SPINK5: variants seen among roughly 807,000 people sequenced by gnomAD.
The protein encoded by SPINK5 is serine peptidase inhibitor Kazal type 5, also known as serine protease inhibitor Kazal-type 5.
SPINK5 carries 125 observed loss-of-function variants against 151.8 expected under a neutral mutation model. The observed-to-expected ratio is 0.82, with a 90% CI of 0.71 to 0.96. SPINK5 has a LOEUF of 0.96. SPINK5 is among the 40% of genes least tolerant of loss of function. The pLI, the probability that SPINK5 is intolerant of heterozygous loss-of-function variation, is 0.00. For missense variants in SPINK5, 1,194 were observed against 1,291.9 expected, an observed-to-expected ratio of 0.92 and a Z score of 1.16; for synonymous variants, 374 against 395.3, an observed-to-expected ratio of 0.95 and a Z score of 0.64.
chr5:148,081,674 A>G (rs1373693732), intron 4 of SPINK5, among the ~76,000 whole-genome samples: 1 of 151,694 alleles, frequency 6.6e-6, no homozygotes, highest in Non-Finnish European at 1.5e-5. Context: ...AAAATATTTT[A>G]AGACCAGATT....
chr5:148,123,215 G>A (rs955038839), intron 26 of SPINK5, among the ~76,000 whole-genome samples: 1 of 151,382 alleles, frequency 6.6e-6, no homozygotes, highest in Non-Finnish European at 1.5e-5. Context: ...AGCCAGGCAT[G>A]GTGGCACATG....
At chr5:148,068,578 A>AAAAGAAAG (rs1554101970) in intron 2 of SPINK5, among the ~76,000 whole-genome samples, 3,542 of 74,000 alleles carry the variant, frequency 0.048, 143 homozygotes, top group South Asian at 0.085. Flanking sequence ...AAAAAAAAAA[A>AAAAGAAAG]AAAGAAAGAA....
rs1752708600 is a variant in SPINK5, at chr5:148,070,451, G to C, written c.209+1G>C. 3 of 1,612,086 alleles carry C rather than the reference G, an allele frequency of 1.9e-6. No homozygotes were observed. The Admixed American group carries it at 5.0e-5, about 27-fold the overall frequency. On this transcript the variant is annotated splice_donor_variant, in intron 3 of 32. Coordinates refer to ENST00000256084, the MANE Select transcript of SPINK5 (RefSeq NM_006846.4). LOFTEE classifies it high-confidence loss of function. Reference sequence around the variant, plus strand: ...AATGTGCCACGTGCAAAATGATACTGTGAGTAAAGGTTTCTTTCTTTCTTT... The same window carrying C: ...AATGTGCCACGTGCAAAATGATACTCTGAGTAAAGGTTTCTTTCTTTCTTT...
chr5:148,126,970 T>G lies in SPINK5; in HGVS notation c.2868-13T>G. ...GTTTCTTATTTTAAATTATTTTTTA[T>G]TTTCTTCTCTAGTCTAACAGAAGCT... On this transcript the variant is annotated splice_polypyrimidine_tract_variant and intron_variant, in intron 29 of 32. Transcript: ENST00000256084. 6.3e-7 allele frequency: 1 copy of G among 1,590,820 alleles called. No homozygotes were observed. The highest frequency in any genetic ancestry group is 1.3e-5 in the African/African-American group (1 of 74,224).
At chr5:148,132,601 G>A (rs185206896) in intron 31 of SPINK5, among the ~76,000 whole-genome samples, 1 of 152,220 alleles carries the variant, frequency 6.6e-6, no homozygotes, top group African/African-American at 2.4e-5. Flanking sequence ...CAGGTAATTT[G>A]TTTAAAGTTA....
At chr5:148,125,083 G>A in intron 28 of SPINK5, 1 of 483,436 alleles carries the variant, frequency 2.1e-6, no homozygotes. Flanking sequence ...TTCCTCCTTG[G>A]GAGAAATATG....
At chr5:148,066,805 AT>A (rs1238295203) in intron 2 of SPINK5, among the ~76,000 whole-genome samples, 3 of 152,156 alleles carry the variant, frequency 2.0e-5, no homozygotes, top group African/African-American at 7.2e-5. Flanking sequence ...TTACACTGCT[AT>A]TTTTCATAGC....
At chr5:148,098,351 G>A (rs1028318006) in intron 11 of SPINK5, among the ~76,000 whole-genome samples, 1 of 151,966 alleles carries the variant, frequency 6.6e-6, no homozygotes, top group Middle Eastern at 3.2e-3. Flanking sequence ...GCTTAATGTA[G>A]AAATGGAATA....
intron 4 of SPINK5, among the ~76,000 whole-genome samples, chr5:148,085,617 G>C (rs532781657): frequency 1.1e-4 from 16 of 151,960 alleles, no homozygotes; most frequent in African/African-American, 3.6e-4. Flanking sequence ...TCTGAGACTT[G>C]AACACTAGTC....
chr5:148,132,065 A>C (rs147192415), intron 31 of SPINK5, among the ~76,000 whole-genome samples: 1 of 152,332 alleles, frequency 6.6e-6, no homozygotes, highest in East Asian at 1.9e-4. Flanking sequence ...AAATATTTTT[A>C]TCTTAAGTTA....
chr5:148,102,583 T>A (rs1186113472), intron 15 of SPINK5, among the ~76,000 whole-genome samples: 1 of 152,134 alleles, frequency 6.6e-6, no homozygotes, highest in East Asian at 1.9e-4. Context: ...AAAAGTAACC[T>A]AGAATCATTC....
Position 148,067,833 on chromosome 5 carries a change from T to C in SPINK5, c.81+2461T>C, listed in dbSNP as rs368439945. ...TCTCATTATATTTCCCAGGAGGATC[T>C]TGAACTTCTGGCTTCAAGCAATCCT... On this transcript the variant is annotated intron_variant, in intron 2 of 32. Coordinates refer to ENST00000256084, the MANE Select transcript of SPINK5 (RefSeq NM_006846.4). Among the ~76,000 whole-genome samples the C allele has an allele frequency of 4.3e-4, 65 of 152,218 alleles. 1 individual carries two copies. In the East Asian group the frequency reaches 5.1e-3, roughly 12 times the overall value.
At chr5:148,076,388 CA>C (rs1176883093) in intron 4 of SPINK5, among the ~76,000 whole-genome samples, 5 of 149,558 alleles carry the variant, frequency 3.3e-5, no homozygotes, top group Admixed American at 6.7e-5. Context: ...GCCACAGAAG[CA>C]AAAAAAGAAT....
rs2113178034 is a variant in SPINK5 at position 148,116,472 on chromosome 5, A to G, written c.2112+6A>G. 1 of 1,613,968 alleles carries G rather than the reference A, an allele frequency of 6.2e-7. No homozygotes were observed. Among genetic ancestry groups the G allele is most frequent in the East Asian group, 2.2e-5 (1 of 44,884 alleles). On this transcript the variant is annotated splice_donor_region_variant and intron_variant, in intron 22 of 32. Coordinates refer to ENST00000256084, the MANE Select transcript of SPINK5 (RefSeq NM_006846.4). The stretch of plus-strand genomic sequence containing the variant: ...GTGGAGGAGGAAACACTCAGGTGAG[A>G]GCAACCTCTAATTTCAGTAACTGGG...
chr5:148,103,435 TC>T (rs1261743465), intron 15 of SPINK5, among the ~76,000 whole-genome samples: 1 of 152,174 alleles, frequency 6.6e-6, no homozygotes, highest in African/African-American at 2.4e-5. Context: ...TTTTTTGTTC[TC>T]CCTTACATTA....
chr5:148,089,048 G>C (rs1344077028), intron 6 of SPINK5: 2 of 461,592 alleles, frequency 4.3e-6, no homozygotes, highest in Non-Finnish European at 8.7e-6. Flanking sequence ...TAGGGGAAGG[G>C]GAAGGAAGAA....
intron 30 of SPINK5, among the ~76,000 whole-genome samples, chr5:148,128,222 GT>G (rs58436321): frequency 0.81 from 122,177 of 150,832 alleles, 49,654 homozygotes; most frequent in East Asian, 0.91. Flanking sequence ...AACAAAATAT[GT>G]TTTTTTTTTT....
chr5:148,114,542 T>C (rs1422986), intron 21 of SPINK5, 53 bp downstream of exon 21: 66,748 of 1,608,944 alleles, frequency 0.041, 1,916 homozygotes, highest in East Asian at 0.15. Flanking sequence ...GGGGAAGCAA[T>C]GAGCCAGGCA....
chr5:148,116,340 G>A (rs762241564), intron 21 of SPINK5, 30 bp from the exon 22 acceptor site: 1 of 1,608,690 alleles, frequency 6.2e-7, no homozygotes, highest in African/African-American at 1.3e-5. Flanking sequence ...GTAATCTATT[G>A]TTCCCTACCT....
Sources: gnomAD v4.1 joint callset for allele counts (sites outside exome capture counted in the v4.1 genomes callset) on GRCh38, gnomAD v4.1.1 for gene constraint, MANE v1.5 for transcripts, NCBI Gene and HGNC (gene_info 2026-07-23, HGNC 2026-07-21) for gene names.